The following SAV1 variants were observed in gnomAD, a reference collection of about 807,000 sequenced individuals.
SAV1 encodes salvador family WW domain containing protein 1, also known as protein salvador homolog 1.
SAV1 carries 23 observed loss-of-function variants against 47.3 expected under a neutral mutation model. That is an observed-to-expected ratio of 0.49 (90% CI 0.35 to 0.69). The LOEUF (loss-of-function observed/expected upper bound fraction) is 0.69. Among genes scored for constraint, SAV1 ranks in the 30% least tolerant of loss-of-function variants. SAV1 has a pLI of 0.01. For synonymous variants in SAV1, 155 were observed against 159.2 expected (o/e 0.97, Z 0.20); for missense variants, 448 against 457.4 (o/e 0.98, Z 0.19).
rs184370885 is a variant in SAV1 at position 50,664,434 on chromosome 14, T to A, written c.535+745A>T. ...GAAAAAAAAAATCAGACAAGAAAGT[T>A]TAATTTTCATCTCACTTCATTTTAT... On this transcript the variant is annotated intron_variant, in intron 2 of 4. Transcript: ENST00000324679. 19 of 152,314 alleles carry A rather than the reference T, an allele frequency of 1.2e-4. 1 individual carries two copies. Among genetic ancestry groups the A allele is most frequent in the Admixed American group, 1.2e-3 (18 of 15,294 alleles). 9.4% of individuals were successfully genotyped at this position (152,314 alleles called of 1,614,324 possible). A position where few individuals can be genotyped will look rare whatever the true frequency, so the allele number is the denominator to read the frequency against.
At position 50,633,685 on chromosome 14, in the gene SAV1, C is replaced by G. The variant is rs2039606522; in HGVS notation, c.*1498G>C. 6.5e-6 allele frequency: 1 copy of G among 152,676 alleles called. No individual in the cohort carries two copies. The highest frequency in any genetic ancestry group is 1.5e-5 in the Non-Finnish European group (1 of 68,114). 9.5% of individuals were successfully genotyped at this position (152,676 alleles called of 1,614,324 possible). A position where few individuals can be genotyped will look rare whatever the true frequency, so the allele number is the denominator to read the frequency against. On this transcript the variant is annotated 3_prime_UTR_variant, in exon 5 of 5. Coordinates refer to ENST00000324679, the MANE Select transcript of SAV1 (RefSeq NM_021818.4). ...TAAGCTTGTTATATAAAATCAAACACTTAACATTGTCAACATTTCTTCAGT... is the reference window on the plus strand; with the variant it reads ...TAAGCTTGTTATATAAAATCAAACAGTTAACATTGTCAACATTTCTTCAGT...
intron 2 of SAV1, 98 bp from the exon 3 acceptor site, chr14:50,645,112 G>T (rs1301747575): frequency 1.5e-5 from 15 of 998,926 alleles, no homozygotes; most frequent in Non-Finnish European, 2.0e-5. Flanking sequence ...TATCCTGATT[G>T]TACTCTTCTA....
At chr14:50,637,678 T>G (rs964403816) in intron 4 of SAV1, 4 of 147,524 alleles carry the variant, frequency 2.7e-5, no homozygotes, top group South Asian at 2.1e-4. Context: ...TTTTTTTTTT[T>G]TTTTTTTTTT....
At chr14:50,660,337 ACT>A (rs1471848253) in intron 2 of SAV1, among the ~76,000 whole-genome samples, 7 of 152,062 alleles carry the variant, frequency 4.6e-5, no homozygotes, top group Non-Finnish European at 1.0e-4. Context: ...GGCGGTGATG[ACT>A]CTGAGAAACA....
chr14:50,638,375 ACT>A (rs1162446467), intron 4 of SAV1, among the ~76,000 whole-genome samples: 2 of 151,952 alleles, frequency 1.3e-5, no homozygotes, highest in Non-Finnish European at 2.9e-5. Context: ...CATCTCTTTC[ACT>A]CTGTTTTTCC....
intron 2 of SAV1, among the ~76,000 whole-genome samples, chr14:50,660,236 C>T (rs910022224): frequency 1.3e-5 from 2 of 152,202 alleles, no homozygotes; most frequent in Admixed American, 1.3e-4. Context: ...ATTGATAACC[C>T]TATGATCTCA....
chr14:50,649,993 C>CAAAATG (rs983959095), intron 2 of SAV1, among the ~76,000 whole-genome samples: 1 of 152,014 alleles, frequency 6.6e-6, no homozygotes, highest in African/African-American at 2.4e-5. Flanking sequence ...GAAACTAAGG[C>CAAAATG]AAAATGAAAA....
intron 2 of SAV1, among the ~76,000 whole-genome samples, chr14:50,653,426 A>G (rs753115443): frequency 6.6e-6 from 1 of 152,206 alleles, no homozygotes; most frequent in Non-Finnish European, 1.5e-5. Context: ...TCCAACTAAT[A>G]AAGAAGAAAT....
At chr14:50,649,364 T>C (rs1435896965) in intron 2 of SAV1, among the ~76,000 whole-genome samples, 1 of 152,234 alleles carries the variant, frequency 6.6e-6, no homozygotes, top group Non-Finnish European at 1.5e-5. Context: ...TGTTCACAGA[T>C]ACATCTCCAG....
At chr14:50,662,625 T>C (rs1258862529) in intron 2 of SAV1, 1 of 152,228 alleles carries the variant, frequency 6.6e-6, no homozygotes, top group African/African-American at 2.4e-5. Flanking sequence ...AGTAGAGATT[T>C]AGTTCTTATA....
In SAV1 at chr14:50,647,464, G is replaced by A. The variant is rs569717814; in HGVS notation, c.536-2450C>T. Among the ~76,000 whole-genome samples the A allele has an allele frequency of 9.9e-5, 15 of 152,248 alleles. No homozygotes were observed. The South Asian group carries it at 2.9e-3, about 29-fold the overall frequency. On this transcript the variant is annotated intron_variant, in intron 2 of 4. Coordinates refer to ENST00000324679, the MANE Select transcript of SAV1 (RefSeq NM_021818.4). The stretch of plus-strand genomic sequence containing the variant: ...TCAACCTACTCAGGAAGCTGAGTAG[G>A]AGGGTTACTTGAGCCCAAGATTTCA...
intron 2 of SAV1, among the ~76,000 whole-genome samples, chr14:50,657,418 T>C (rs1191626510): frequency 6.6e-6 from 1 of 152,200 alleles, no homozygotes; most frequent in Non-Finnish European, 1.5e-5. Context: ...GTAGTACTAT[T>C]ACCACCAATT....
intron 2 of SAV1, among the ~76,000 whole-genome samples, chr14:50,648,182 A>G (rs1466422107): frequency 6.6e-6 from 1 of 152,236 alleles, no homozygotes; most frequent in African/African-American, 2.4e-5. Flanking sequence ...GAGGGAAAGC[A>G]GCCAGTCTCA....
intron 1 of SAV1, among the ~76,000 whole-genome samples, 199 bp from the exon 2 acceptor site, chr14:50,665,818 T>C (rs1199386259): frequency 2.6e-5 from 4 of 152,338 alleles, no homozygotes; most frequent in African/African-American, 9.6e-5. Context: ...AATGAATTTA[T>C]ATAACTTGCA....
intron 3 of SAV1, among the ~76,000 whole-genome samples, chr14:50,644,395 G>A (rs2039703549): frequency 2.6e-5 from 4 of 152,272 alleles, no homozygotes; most frequent in Middle Eastern, 3.4e-3. Flanking sequence ...CTGACTTAGG[G>A]GGTAGGTCTG....
At chr14:50,644,395 G>C (rs2039703549) in intron 3 of SAV1, among the ~76,000 whole-genome samples, 1 of 152,154 alleles carries the variant, frequency 6.6e-6, no homozygotes. Context: ...CTGACTTAGG[G>C]GGTAGGTCTG....
At chr14:50,652,852 G>A (rs1187339076) in intron 2 of SAV1, among the ~76,000 whole-genome samples, 1 of 152,124 alleles carries the variant, frequency 6.6e-6, no homozygotes, top group African/African-American at 2.4e-5. Flanking sequence ...CCAACATGGC[G>A]AAACTCCATC....
chr14:50,640,888 G>A lies in SAV1; in HGVS notation c.812C>T (p.Pro271Leu), dbSNP rs1424575700. 2 of 1,604,998 alleles carry A rather than the reference G, an allele frequency of 1.2e-6. No individual in the cohort carries two copies. The highest frequency in any genetic ancestry group is 1.1e-5 in the South Asian group (1 of 89,290). ...QYRHPCAPSV[P>L]RYDQPPPVTY... ...GACAGGAGGTGGTTGATCATACCGA[G>A]GTACACTAAGAAGAAAGGAGTGACA... The change falls in exon 4 of 5, where the codon CCT becomes CTT. Residue 271 changes from proline (P) to leucine (L), a missense_variant. Coordinates refer to ENST00000324679, the MANE Select transcript of SAV1 (RefSeq NM_021818.4).
chr14:50,660,077 G>A (rs754394773), intron 2 of SAV1, among the ~76,000 whole-genome samples: 7 of 152,126 alleles, frequency 4.6e-5, no homozygotes, highest in Non-Finnish European at 7.3e-5. Flanking sequence ...TAAAACCTAA[G>A]ACTGGTCTTC....
Sources: allele counts gnomAD v4.1 joint callset (sites outside exome capture counted in the v4.1 genomes callset), GRCh38; gene constraint gnomAD v4.1.1; transcripts MANE v1.5; gene names NCBI Gene and HGNC (gene_info 2026-07-23, HGNC 2026-07-21).